CDH13: variants seen among roughly 807,000 people sequenced by gnomAD.
The protein encoded by CDH13 is cadherin-13.
A neutral mutation model predicts 63.8 loss-of-function variants in CDH13; 24 were observed. The ratio of observed to expected loss-of-function variants is 0.38; its 90% CI spans 0.27 to 0.53. The LOEUF is 0.53. CDH13 is among the 20% of genes least tolerant of loss of function. The pLI is 0.85. For missense variants in CDH13, 1,049 were observed against 903.1 expected (o/e 1.16, Z -2.07); for synonymous variants, 503 against 355.3 (o/e 1.42, Z -4.67).
At chr16:82,853,340 A>T (rs922370920) in intron 1 of CDH13, among the ~76,000 whole-genome samples, 2 of 152,252 alleles carry the variant, frequency 1.3e-5, no homozygotes. Context: ...ATATGTTGGT[A>T]ATAGTTTGTC....
intron 5 of CDH13, among the ~76,000 whole-genome samples, chr16:83,310,532 T>C (rs767218730): frequency 5.3e-5 from 8 of 152,312 alleles, no homozygotes; most frequent in South Asian, 2.1e-4. Context: ...CCACACTCCT[T>C]AGCTAAACCA....
At chr16:83,377,787 C>A (rs1411561507) in intron 6 of CDH13, among the ~76,000 whole-genome samples, 1 of 152,066 alleles carries the variant, frequency 6.6e-6, no homozygotes, top group Non-Finnish European at 1.5e-5. Flanking sequence ...AAGACAAAGG[C>A]AAGAGAAGTG....
intron 6 of CDH13, among the ~76,000 whole-genome samples, chr16:83,425,104 C>T (rs1158763484): frequency 1.3e-5 from 2 of 152,190 alleles, no homozygotes; most frequent in African/African-American, 2.4e-5. Context: ...AGCTGTGATC[C>T]CACCGTTTGT....
intron 5 of CDH13, among the ~76,000 whole-genome samples, chr16:83,245,287 G>T (rs544911732): frequency 1.3e-5 from 2 of 152,288 alleles, no homozygotes; most frequent in East Asian, 3.9e-4. Context: ...ACCACAAGAA[G>T]TTCTCGTGGG....
At chr16:83,108,572 A>G (rs1230603162) in intron 3 of CDH13, among the ~76,000 whole-genome samples, 3 of 152,106 alleles carry the variant, frequency 2.0e-5, no homozygotes, top group African/African-American at 7.2e-5. Flanking sequence ...GCTCCACCCC[A>G]TCCTCCCAGT....
chr16:83,129,140 G>C (rs542583156), intron 4 of CDH13, among the ~76,000 whole-genome samples: 10 of 152,170 alleles, frequency 6.6e-5, no homozygotes, highest in South Asian at 4.1e-4. Flanking sequence ...CTGTGGAAGA[G>C]GACGTAGGTG....
intron 3 of CDH13, among the ~76,000 whole-genome samples, chr16:83,065,199 C>A (rs571947878): frequency 2.0e-5 from 3 of 152,256 alleles, no homozygotes; most frequent in South Asian, 4.1e-4. Flanking sequence ...AGAAGAGATT[C>A]TAGAAGTTAT....
intron 5 of CDH13, among the ~76,000 whole-genome samples, chr16:83,234,207 C>T (rs992457313): frequency 6.6e-6 from 1 of 152,202 alleles, no homozygotes; most frequent in Non-Finnish European, 1.5e-5. Context: ...AGTGGGAGTG[C>T]CCCAGTCTTT....
intron 3 of CDH13, among the ~76,000 whole-genome samples, chr16:83,033,958 C>T (rs1220283262): frequency 6.6e-6 from 1 of 152,082 alleles, no homozygotes. Context: ...AGCCACATCC[C>T]TGCTTGATCT....
At chr16:82,901,390 A>G (rs1217171015) in intron 2 of CDH13, among the ~76,000 whole-genome samples, 4 of 149,052 alleles carry the variant, frequency 2.7e-5, no homozygotes, top group African/African-American at 7.4e-5. Context: ...GTTCTTGGAT[A>G]CTTAGGGTGC....
chr16:83,606,790 A>G (rs758580101), intron 8 of CDH13, among the ~76,000 whole-genome samples: 2 of 149,832 alleles, frequency 1.3e-5, no homozygotes, highest in African/African-American at 2.5e-5. Flanking sequence ...CATGATATCA[A>G]TTTCCCAGGT....
At chr16:82,684,246 G>C (rs886116687) in intron 1 of CDH13, among the ~76,000 whole-genome samples, 1 of 152,198 alleles carries the variant, frequency 6.6e-6, no homozygotes, top group African/African-American at 2.4e-5. Flanking sequence ...GATTCAGAAC[G>C]AAACGGTGAC....
intron 6 of CDH13, among the ~76,000 whole-genome samples, chr16:83,403,729 G>T (rs933771269): frequency 7.9e-5 from 12 of 152,134 alleles, no homozygotes; most frequent in Admixed American, 2.0e-4. Context: ...AAGCCTGCTT[G>T]GCCCCAGGAC....
At chr16:82,760,262 C>T (rs934249045) in intron 1 of CDH13, among the ~76,000 whole-genome samples, 6 of 152,216 alleles carry the variant, frequency 3.9e-5, no homozygotes, top group Admixed American at 1.3e-4. Flanking sequence ...GTACCGCCCC[C>T]GCAAAAATGC....
intron 8 of CDH13, among the ~76,000 whole-genome samples, chr16:83,634,979 G>A (rs1463102480): frequency 6.6e-6 from 1 of 152,144 alleles, no homozygotes; most frequent in Non-Finnish European, 1.5e-5. Context: ...GTGCATGTTA[G>A]TTTTATAAGA....
chr16:83,130,901 A>C (rs1340961569), intron 4 of CDH13, among the ~76,000 whole-genome samples: 1 of 152,204 alleles, frequency 6.6e-6, no homozygotes, highest in Admixed American at 6.5e-5. Flanking sequence ...TGCTGTGGCA[A>C]GTTAGCCCTT....
chr16:82,982,540 T>G (rs1199779222), intron 2 of CDH13, among the ~76,000 whole-genome samples: 1 of 152,220 alleles, frequency 6.6e-6, no homozygotes, highest in Non-Finnish European at 1.5e-5. Context: ...AAGCTGCATT[T>G]GCATGGCTTC....
intron 2 of CDH13, among the ~76,000 whole-genome samples, chr16:83,020,260 TA>T (rs139984354): frequency 0.03 from 4,599 of 152,312 alleles, 99 homozygotes; most frequent in Non-Finnish European, 0.045. Context: ...CCTGGCCTTT[TA>T]TTCTGGTTAT....
chr16:83,179,639 G>A (rs1350048845), intron 4 of CDH13, among the ~76,000 whole-genome samples: 3 of 140,780 alleles, frequency 2.1e-5, no homozygotes, highest in Admixed American at 7.4e-5. Context: ...GCTACAGAGC[G>A]AGACTCTCTC....
Sources: allele counts gnomAD v4.1 joint callset (sites outside exome capture counted in the v4.1 genomes callset), GRCh38; gene constraint gnomAD v4.1.1; transcripts MANE v1.5; gene names NCBI Gene and HGNC (gene_info 2026-07-23, HGNC 2026-07-21).